ANKRD33B: variants seen among roughly 807,000 people sequenced by gnomAD.
ANKRD33B encodes ankyrin repeat domain-containing protein 33B.
A neutral mutation model predicts 21.5 loss-of-function variants in ANKRD33B; 6 were observed. The observed-to-expected ratio is 0.28, with a 90% CI of 0.15 to 0.55. ANKRD33B has a LOEUF of 0.55. Among genes scored for constraint, ANKRD33B ranks in the 20% least tolerant of loss-of-function variants. The pLI is 0.94. For missense variants in ANKRD33B, 698 were observed against 747.2 expected (o/e 0.93, Z 0.77); for synonymous variants, 347 against 342.4 (o/e 1.01, Z -0.15).
intron 1 of ANKRD33B, among the ~76,000 whole-genome samples, chr5:10,588,241 TTAATA>T (rs1272957437): frequency 6.6e-6 from 1 of 152,240 alleles, no homozygotes; most frequent in Admixed American, 6.5e-5. Flanking sequence ...TTAGCGACAT[TTAATA>T]TAATACGGTA....
At position 10,564,541 on chromosome 5, in the gene ANKRD33B, C is replaced by T. The variant is rs1299159890; in HGVS notation, c.74C>T (p.Pro25Leu). The stretch of plus-strand genomic sequence containing the variant: ...ATGACCCCACCACCGCCGTCCCCAC[C>T]CCGGGGCGCGCAGGTCGAGGAGGAC... ...RCMTPPPPSP[P>L]RGAQVEEDPA... Residue 25 changes from proline to leucine, a missense_variant, in exon 1 of 4, where the codon CCC becomes CTC. Transcript: ENST00000296657. 11 of 1,533,316 alleles carry T rather than the reference C, an allele frequency of 7.2e-6. No homozygotes were observed. The East Asian group carries it at 1.2e-4, about 17-fold the overall frequency. The allele number at this position is 1,533,316 out of a possible 1,614,324, so 95.0% of individuals were successfully genotyped here. A position where few individuals can be genotyped will look rare whatever the true frequency, so the allele number is the denominator to read the frequency against.
At chr5:10,567,794 G>A (rs769390571) in intron 1 of ANKRD33B, among the ~76,000 whole-genome samples, 14 of 152,206 alleles carry the variant, frequency 9.2e-5, no homozygotes, top group Admixed American at 2.6e-4. Flanking sequence ...TGGGAACCTC[G>A]TTGGAGCCTG....
At chr5:10,566,605 A>T (rs953576040) in intron 1 of ANKRD33B, among the ~76,000 whole-genome samples, 2 of 152,206 alleles carry the variant, frequency 1.3e-5, no homozygotes, top group African/African-American at 4.8e-5. Flanking sequence ...GCTTTATATA[A>T]TGTTTCCTTT....
rs1050667019 is a variant in ANKRD33B, at chr5:10,650,310, C to G, written c.*197C>G. On this transcript the variant is annotated 3_prime_UTR_variant, in exon 4 of 4. Transcript: ENST00000296657. The stretch of plus-strand genomic sequence containing the variant: ...GGGAGCCACATGGATTCGCTTGTCG[C>G]CAGCCCTCCTAGCAATCAGTACACC... The G allele has an allele frequency of 1.0e-5, 5 of 498,304 alleles. No homozygotes were observed. The highest frequency in any genetic ancestry group is 1.6e-5 in the Non-Finnish European group (5 of 317,312). 30.9% of individuals were successfully genotyped at this position (498,304 alleles called of 1,614,324 possible). A position where few individuals can be genotyped will look rare whatever the true frequency, so the allele number is the denominator to read the frequency against.
intron 1 of ANKRD33B, among the ~76,000 whole-genome samples, chr5:10,596,779 G>T (rs1220301925): frequency 6.6e-6 from 1 of 152,044 alleles, no homozygotes; most frequent in Non-Finnish European, 1.5e-5. Flanking sequence ...AAGAAAAAAT[G>T]TTAAGGGCAG....
intron 1 of ANKRD33B, among the ~76,000 whole-genome samples, chr5:10,582,666 C>A (rs947591545): frequency 3.3e-5 from 5 of 152,228 alleles, no homozygotes. Flanking sequence ...CGCTGTGCTG[C>A]CTGCTCCCTG....
intron 3 of ANKRD33B, among the ~76,000 whole-genome samples, chr5:10,639,588 C>T (rs375560530): frequency 4.1e-4 from 19 of 46,374 alleles, no homozygotes; most frequent in African/African-American, 1.1e-3. Context: ...AGTTGCGCGG[C>T]GATGTTAGCG....
intron 1 of ANKRD33B, among the ~76,000 whole-genome samples, chr5:10,607,423 A>T (rs1039902199): frequency 1.3e-5 from 2 of 152,218 alleles, no homozygotes; most frequent in Non-Finnish European, 2.9e-5. Flanking sequence ...TCCTCCTGGA[A>T]GTGACACCTG....
intron 1 of ANKRD33B, among the ~76,000 whole-genome samples, chr5:10,596,186 A>C (rs777705755): frequency 6.6e-6 from 1 of 152,190 alleles, no homozygotes. Flanking sequence ...TTAAGTTCTG[A>C]GGCACATGTG....
At chr5:10,631,818 A>G (rs1392062398) in intron 2 of ANKRD33B, among the ~76,000 whole-genome samples, 2 of 151,420 alleles carry the variant, frequency 1.3e-5, no homozygotes, top group Non-Finnish European at 2.9e-5. Context: ...GGACATGAAA[A>G]CCCTCACTGC....
chr5:10,582,863 A>G (rs80130656), intron 1 of ANKRD33B, among the ~76,000 whole-genome samples: 1 of 152,012 alleles, frequency 6.6e-6, no homozygotes, highest in African/African-American at 2.4e-5. Context: ...GTTGTTTTAT[A>G]TTGATTGGTG....
rs964833636 is a variant in ANKRD33B at position 10,655,080 on chromosome 5, G to T, written c.*4967G>T. 2 of 152,444 alleles carry T rather than the reference G, an allele frequency of 1.3e-5. No homozygotes were observed. Among genetic ancestry groups the T allele is most frequent in the Non-Finnish European group, 2.9e-5 (2 of 68,102 alleles). The allele number at this position is 152,444 out of a possible 1,614,324, so 9.4% of individuals were successfully genotyped here. On this transcript the variant is annotated 3_prime_UTR_variant, in exon 4 of 4. Transcript: ENST00000296657. ...AGTGTGGCCACTCCTGAGGCAAGAG[G>T]CTCCTCCTGGGAGCAGGAGAGAGAG...
intron 1 of ANKRD33B, among the ~76,000 whole-genome samples, chr5:10,590,607 C>CGCGT (rs1553991349): frequency 1.2e-5 from 1 of 84,400 alleles, no homozygotes; most frequent in African/African-American, 5.1e-5. Context: ...CGCGCGCGCG[C>CGCGT]GTGTGTGTGT....
chr5:10,623,364 G>A lies in ANKRD33B; in HGVS notation c.496+4902G>A, dbSNP rs191415484. Among the ~76,000 whole-genome samples, 30 of 152,264 alleles carry A rather than the reference G, an allele frequency of 2.0e-4. No individual in the cohort carries two copies. In the East Asian group the frequency reaches 5.6e-3, roughly 28 times the overall value. ...ATCTTCCTTAAGGAACAGAAATTGG[G>A]TGGTGTCCCTCGATGGTTCTAGTCA... On this transcript the variant is annotated intron_variant, in intron 2 of 3. Transcript: ENST00000296657.
At chr5:10,603,233 G>A (rs1280033895) in intron 1 of ANKRD33B, among the ~76,000 whole-genome samples, 1 of 151,942 alleles carries the variant, frequency 6.6e-6, no homozygotes, top group Non-Finnish European at 1.5e-5. Flanking sequence ...AGGAGACTGG[G>A]AAGCTTCATC....
At chr5:10,579,688 G>T (rs1285847949) in intron 1 of ANKRD33B, among the ~76,000 whole-genome samples, 1 of 151,854 alleles carries the variant, frequency 6.6e-6, no homozygotes. Context: ...AAGTAGTCAC[G>T]GGATGACTAG....
At chr5:10,610,180 G>C (rs1319664823) in intron 1 of ANKRD33B, among the ~76,000 whole-genome samples, 1 of 152,254 alleles carries the variant, frequency 6.6e-6, no homozygotes, top group African/African-American at 2.4e-5. Flanking sequence ...TCACCCATGA[G>C]TGGTGGAGTT....
chr5:10,594,003 T>TC (rs1168408182), intron 1 of ANKRD33B, among the ~76,000 whole-genome samples: 1 of 152,134 alleles, frequency 6.6e-6, no homozygotes. Flanking sequence ...GCCTAGAGAC[T>TC]CAACAGCGAG....
intron 1 of ANKRD33B, among the ~76,000 whole-genome samples, chr5:10,589,819 C>T: frequency 6.6e-6 from 1 of 152,154 alleles, no homozygotes; most frequent in Admixed American, 6.5e-5. Context: ...AATTCTCTGC[C>T]ATTATCTTGT....
Sources: gnomAD v4.1 joint callset for allele counts (sites outside exome capture counted in the v4.1 genomes callset) on GRCh38, gnomAD v4.1.1 for gene constraint, MANE v1.5 for transcripts, NCBI Gene and HGNC (gene_info 2026-07-23, HGNC 2026-07-21) for gene names.